The following MCUB variants were observed in gnomAD, a reference collection of about 807,000 sequenced individuals.
The protein encoded by MCUB is mitochondrial calcium uniporter dominant negative subunit beta, also known as calcium uniporter regulatory subunit MCUb, mitochondrial.
A neutral mutation model predicts 41.4 loss-of-function variants in MCUB; 46 were observed. The observed-to-expected ratio is 1.11, with a 90% CI of 0.88 to 1.42. The LOEUF (loss-of-function observed/expected upper bound fraction) is 1.42, where lower values mean the gene tolerates loss of function less well. MCUB is among the 40% of genes most tolerant of loss of function. The pLI is 0.00. For synonymous variants in MCUB, 148 were observed against 148.2 expected, an observed-to-expected ratio of 1.00 and a Z score of 0.01; for missense variants, 403 against 404.9, an observed-to-expected ratio of 1.00 and a Z score of 0.04.
intron 4 of MCUB, chr4:109,674,005 A>T (rs2126148753): frequency 8.4e-7 from 1 of 1,183,734 alleles, no homozygotes; most frequent in African/African-American, 1.5e-5. Context: ...GGGAAATACT[A>T]AAATGTCCAT....
chr4:109,653,255 C>T (rs1421898730), intron 1 of MCUB, among the ~76,000 whole-genome samples: 5 of 151,854 alleles, frequency 3.3e-5, no homozygotes, highest in South Asian at 2.1e-4. Flanking sequence ...GGCATGCACC[C>T]GTAATCCCAG....
At chr4:109,606,040 T>G (rs1256235712) in intron 1 of MCUB, among the ~76,000 whole-genome samples, 1 of 152,158 alleles carries the variant, frequency 6.6e-6, no homozygotes, top group Non-Finnish European at 1.5e-5. Flanking sequence ...AGTGGTGCGA[T>G]CTCTGCTCGC....
intron 1 of MCUB, among the ~76,000 whole-genome samples, chr4:109,580,044 A>G (rs1022230037): frequency 6.6e-6 from 1 of 151,638 alleles, no homozygotes; most frequent in Non-Finnish European, 1.5e-5. Flanking sequence ...CCCACCCCAC[A>G]ACAGGCCCCA....
intron 1 of MCUB, among the ~76,000 whole-genome samples, chr4:109,575,369 T>C (rs1727002984): frequency 6.6e-6 from 1 of 152,224 alleles, no homozygotes; most frequent in African/African-American, 2.4e-5. Context: ...TAAAAGGTCA[T>C]TGGGGGTTAG....
intron 1 of MCUB, among the ~76,000 whole-genome samples, chr4:109,567,500 C>T (rs567821416): frequency 5.4e-4 from 37 of 68,826 alleles, no homozygotes; most frequent in Admixed American, 2.8e-3. Context: ...GAAACCAAAC[C>T]TGGTCTCTAC....
intron 1 of MCUB, among the ~76,000 whole-genome samples, chr4:109,639,737 T>C (rs1728673776): frequency 6.6e-6 from 1 of 152,158 alleles, no homozygotes; most frequent in Non-Finnish European, 1.5e-5. Flanking sequence ...AGATATGCTG[T>C]CATCTAGGCT....
rs1378300882 is a variant in MCUB, at chr4:109,660,193, A to T, written c.176-2A>T. ...ATTTTTTTTTCTTTTTTTCCTTAAC[A>T]GAAATAACAGTTATTTATAGACATG... On this transcript the variant is annotated splice_acceptor_variant, in intron 2 of 7. Transcript: ENST00000394650. LOFTEE classifies it high-confidence loss of function. The T allele has an allele frequency of 7.0e-7, 1 of 1,423,736 alleles. No individual in the cohort carries two copies. Among genetic ancestry groups the T allele is most frequent in the South Asian group, 1.4e-5 (1 of 73,530 alleles). The allele number at this position is 1,423,736 out of a possible 1,614,324, so 88.2% of individuals were successfully genotyped here. A position where few individuals can be genotyped will look rare whatever the true frequency, so the allele number is the denominator to read the frequency against.
At chr4:109,633,592 T>C (rs543667104) in intron 1 of MCUB, among the ~76,000 whole-genome samples, 1 of 152,300 alleles carries the variant, frequency 6.6e-6, no homozygotes, top group Admixed American at 6.5e-5. Flanking sequence ...TAAATGAAAC[T>C]ATAAGTACAT....
chr4:109,621,510 T>C (rs1169293966), intron 1 of MCUB, among the ~76,000 whole-genome samples: 1 of 152,076 alleles, frequency 6.6e-6, no homozygotes, highest in Non-Finnish European at 1.5e-5. Context: ...TGTTACAAGG[T>C]AGATGAATGC....
intron 1 of MCUB, among the ~76,000 whole-genome samples, chr4:109,591,799 A>G (rs1378024371): frequency 2.0e-5 from 3 of 151,554 alleles, no homozygotes; most frequent in South Asian, 2.1e-4. Flanking sequence ...CCCAGGTTCA[A>G]GCAATTCTCC....
At chr4:109,621,073 A>G (rs1234458688) in intron 1 of MCUB, among the ~76,000 whole-genome samples, 1 of 151,632 alleles carries the variant, frequency 6.6e-6, no homozygotes, top group African/African-American at 2.4e-5. Context: ...TAATTTTTGT[A>G]TTTTTTTAGT....
At chr4:109,648,723 G>GAAAAA in intron 1 of MCUB, 1 of 155,914 alleles carries the variant, frequency 6.4e-6, no homozygotes, top group Non-Finnish European at 1.1e-5. Context: ...GTACAGAGAA[G>GAAAAA]CAAAAAAAAA....
chr4:109,616,975 CAG>C (rs995830691), intron 1 of MCUB, among the ~76,000 whole-genome samples: 1 of 152,072 alleles, frequency 6.6e-6, no homozygotes, highest in African/African-American at 2.4e-5. Context: ...TTCAGTTGGC[CAG>C]AGTCTGAATA....
At chr4:109,650,128 A>C (rs1218164719) in intron 1 of MCUB, among the ~76,000 whole-genome samples, 1 of 152,148 alleles carries the variant, frequency 6.6e-6, no homozygotes, top group Non-Finnish European at 1.5e-5. Flanking sequence ...GGAAGACCTG[A>C]GTTTTGGTGA....
At chr4:109,664,227 T>A in intron 3 of MCUB, 63 bp from the exon 4 acceptor site, 1 of 823,004 alleles carries the variant, frequency 1.2e-6, no homozygotes. Context: ...TTTCTATGTG[T>A]TGGAAAATGG....
chr4:109,651,325 C>G (rs374628344), intron 1 of MCUB, among the ~76,000 whole-genome samples: 40 of 152,314 alleles, frequency 2.6e-4, no homozygotes, highest in African/African-American at 9.4e-4. Context: ...TTGAGCACTT[C>G]CTTGCTTTCT....
At chr4:109,622,788 G>A (rs1271719467) in intron 1 of MCUB, among the ~76,000 whole-genome samples, 3 of 152,106 alleles carry the variant, frequency 2.0e-5, no homozygotes, top group Non-Finnish European at 4.4e-5. Context: ...GCATTTGGTC[G>A]AAACTGTACT....
At chr4:109,563,238 T>TA (rs1208111937) in intron 1 of MCUB, among the ~76,000 whole-genome samples, 4 of 152,204 alleles carry the variant, frequency 2.6e-5, no homozygotes. Flanking sequence ...ATGTCCCCAG[T>TA]ACAGCATTTG....
At position 109,570,529 on chromosome 4, in the gene MCUB, TAG is replaced by T. The variant is rs373471191; in HGVS notation, c.99+10094_99+10095del. On this transcript the variant is annotated intron_variant, in intron 1 of 7. Coordinates refer to ENST00000394650, the MANE Select transcript of MCUB (RefSeq NM_017918.5). ...TCCAAACTACTCAACTTTGCCATTG[TAG>T]TGCAAAAGCAGCCATAAATAGTACC... 2.4e-3 allele frequency among the ~76,000 whole-genome samples: 369 copies of T among 152,376 alleles called. 1 individual carries two copies. The highest frequency in any genetic ancestry group is 8.3e-3 in the African/African-American group (345 of 41,600).
Sources: gnomAD v4.1 joint callset for allele counts (sites outside exome capture counted in the v4.1 genomes callset) on GRCh38, gnomAD v4.1.1 for gene constraint, MANE v1.5 for transcripts, NCBI Gene and HGNC (gene_info 2026-07-23, HGNC 2026-07-21) for gene names.